The following CSDE1 variants were observed in gnomAD, a reference collection of about 807,000 sequenced individuals.
CSDE1 encodes cold shock domain containing E1, also known as cold shock domain-containing protein E1.
CSDE1 carries 17 observed loss-of-function variants against 89.3 expected under a neutral mutation model. The ratio of observed to expected loss-of-function variants is 0.19; its 90% CI spans 0.13 to 0.29. CSDE1 has a LOEUF of 0.29. Among genes scored for constraint, CSDE1 ranks in the 10% least tolerant of loss-of-function variants. CSDE1 has a pLI of 1.00. For missense variants in CSDE1, 672 were observed against 984.2 expected (o/e 0.68, Z 4.24); for synonymous variants, 322 against 332.8 (o/e 0.97, Z 0.35).
intron 16 of CSDE1, among the ~76,000 whole-genome samples, chr1:114,723,051 GT>G (rs1375408211): frequency 6.6e-6 from 1 of 151,914 alleles, no homozygotes; most frequent in Non-Finnish European, 1.5e-5. Flanking sequence ...TAGAGACGGG[GT>G]TTCACCATGC....
chr1:114,743,550 A>T (rs1365964107), intron 2 of CSDE1, among the ~76,000 whole-genome samples: 3 of 152,188 alleles, frequency 2.0e-5, no homozygotes, highest in Non-Finnish European at 4.4e-5. Flanking sequence ...GAACACAATG[A>T]TATGATCTGA....
chr1:114,754,100 T>C (rs1018059956), intron 1 of CSDE1, among the ~76,000 whole-genome samples: 12 of 152,214 alleles, frequency 7.9e-5, no homozygotes, highest in Admixed American at 6.5e-4. Flanking sequence ...GCGATTCTCC[T>C]GCCTCAGCCT....
In CSDE1 at chr1:114,734,076, C is replaced by T. The variant is rs1049970219; in HGVS notation, c.624G>A (p.Glu208=). 2.5e-5 allele frequency: 40 copies of T among 1,612,774 alleles called. No homozygotes were observed. Among genetic ancestry groups the T allele is most frequent in the Non-Finnish European group, 3.4e-5 (40 of 1,179,868 alleles). ...GFIERGDVVK[E]IFFHYSEFKG... ...TAAATTCACTATAGTGAAAGAATAT[C>T]TCTTTTACAACATCACCTCTTTCAA... The change falls in exon 8 of 20, where the codon GAG becomes GAA. Residue 208 remains glutamate (E), a synonymous_variant. Transcript: ENST00000358528.
intron 10 of CSDE1, 148 bp from the exon 11 acceptor site, chr1:114,730,796 G>C: frequency 1.1e-6 from 1 of 941,260 alleles, no homozygotes; most frequent in Non-Finnish European, 1.6e-6. Context: ...TCTCACTTAA[G>C]TACAAACTCA....
At chr1:114,756,468 G>C (rs970308084) in intron 1 of CSDE1, among the ~76,000 whole-genome samples, 3 of 152,090 alleles carry the variant, frequency 2.0e-5, no homozygotes, top group African/African-American at 7.2e-5. Context: ...ATGTATTATA[G>C]TGCTCCTCAA....
At position 114,736,786 on chromosome 1, in the gene CSDE1, T is replaced by C. The variant is rs765189129; in HGVS notation, c.472A>G (p.Ile158Val). ...TTATTGTTATCAATTACAAAGTTTA[T>C]TTTATCTCCAGTTTCCAGCTGAACG... ...GNVQLETGDK[I>V]NFVIDNNKHT... is the part of the protein sequence containing the mutation. Residue 158 changes from isoleucine to valine, a missense_variant, in exon 6 of 20, where the codon ATA (isoleucine) becomes GTA (valine). This residue lies in a region of CSDE1 where 124 missense variants were observed against 138.7 expected (regional missense o/e 0.89). Transcript: ENST00000358528. 16 of 1,612,580 alleles carry C rather than the reference T, an allele frequency of 9.9e-6. No individual in the cohort carries two copies. Among genetic ancestry groups the C allele is most frequent in the Middle Eastern group, 3.5e-4 (2 of 5,748 alleles).
rs556243791 is a variant in CSDE1, at chr1:114,751,501, T to G, written c.-387-1294A>C. 2.6e-5 allele frequency among the ~76,000 whole-genome samples: 4 copies of G among 152,316 alleles called. No homozygotes were observed. In the South Asian group the frequency reaches 8.3e-4, roughly 32 times the overall value. ...TTATTTAATCTCTCTAAGTTTCACTTTCCTCACATGTAAAATAAAAACTCA... is the reference window on the plus strand; with the variant it reads ...TTATTTAATCTCTCTAAGTTTCACTGTCCTCACATGTAAAATAAAAACTCA... On this transcript the variant is annotated intron_variant, in intron 1 of 19. Transcript: ENST00000358528.
chr1:114,723,835 T>A, intron 16 of CSDE1, 48 bp downstream of exon 16: 1 of 1,611,980 alleles, frequency 6.2e-7, no homozygotes, highest in South Asian at 1.1e-5. Flanking sequence ...TAGGTGCTCA[T>A]CTGAAGTTAT....
At chr1:114,737,422 G>T in intron 5 of CSDE1, 49 bp downstream of exon 5, 1 of 1,370,628 alleles carries the variant, frequency 7.3e-7, no homozygotes, top group Non-Finnish European at 1.0e-6. Context: ...TACGCTTATA[G>T]ATCACATGGT....
intron 12 of CSDE1, among the ~76,000 whole-genome samples, chr1:114,729,910 T>G (rs925396708): frequency 2.0e-5 from 3 of 152,296 alleles, no homozygotes; most frequent in Admixed American, 2.0e-4. Context: ...TATAACTAGT[T>G]CTCTACTTGG....
Position 114,726,356 on chromosome 1 carries a change from G to A in CSDE1, c.1495C>T (p.Pro499Ser). 1 of 1,611,976 alleles carries A rather than the reference G, an allele frequency of 6.2e-7. No homozygotes were observed. The highest frequency in any genetic ancestry group is 8.5e-7 in the Non-Finnish European group (1 of 1,179,278). The change falls in exon 14 of 20, where the codon CCT becomes TCT. Residue 499 changes from proline to serine, a missense_variant. Physicochemically the swap from Pro to Ser is moderately conservative, Grantham distance 74 (BLOSUM62 -1). Coordinates refer to ENST00000358528, the MANE Select transcript of CSDE1 (RefSeq NM_001007553.3). ...VEFSISDKQRPGQQVATCVRL... is the reference protein window; with the variant it reads ...VEFSISDKQRSGQQVATCVRL... ...ACACAAGTTGCAACCTGCTGTCCAG[G>A]CCTCTGTTTGTCACTAATACTAAAT...
intron 1 of CSDE1, among the ~76,000 whole-genome samples, chr1:114,753,517 G>A (rs1436243529): frequency 4.6e-5 from 7 of 152,112 alleles, no homozygotes; most frequent in East Asian, 3.9e-4. Context: ...ACTCATGCCC[G>A]GATTAACATT....
chr1:114,725,421 G>T lies in CSDE1; in HGVS notation c.1641-88C>A. 3.1e-6 allele frequency: 3 copies of T among 975,318 alleles called. No individual in the cohort carries two copies. The Admixed American group carries it at 5.3e-5, about 17-fold the overall frequency. The allele number at this position is 975,318 out of a possible 1,614,324, so 60.4% of individuals were successfully genotyped here. A position where few individuals can be genotyped will look rare whatever the true frequency, so the allele number is the denominator to read the frequency against. On this transcript the variant is annotated intron_variant, in intron 14 of 19. Coordinates refer to ENST00000358528, the MANE Select transcript of CSDE1 (RefSeq NM_001007553.3). ...TCTTTATTTTACAGTAACAGTCATG[G>T]CATGGCATGCTTATTTACATTAGAC... is the stretch of plus-strand genomic sequence containing the variant.
chr1:114,749,896 T>C lies in CSDE1; in HGVS notation c.-76A>G, dbSNP rs966794159. The C allele has an allele frequency of 1.4e-4, 22 of 152,476 alleles. No individual in the cohort carries two copies. Among genetic ancestry groups the C allele is most frequent in the Admixed American group, 1.2e-3 (18 of 15,260 alleles). 9.4% of individuals were successfully genotyped at this position (152,476 alleles called of 1,614,324 possible). On this transcript the variant is annotated 5_prime_UTR_variant, in exon 2 of 20. Transcript: ENST00000358528. ...CTTTTTCAGCACACGTTTCAAAGGA[T>C]GAAAGTTGCTAGTATTAAAAAAAAG...
intron 2 of CSDE1, chr1:114,746,494 A>T (rs1558006665): frequency 6.6e-6 from 1 of 152,146 alleles, no homozygotes; most frequent in African/African-American, 2.4e-5. Flanking sequence ...GACTAATTTT[A>T]AATTATCAGA....
At chr1:114,724,782 A>T (rs75882603) in intron 15 of CSDE1, among the ~76,000 whole-genome samples, 3,321 of 152,054 alleles carry the variant, frequency 0.022, 73 homozygotes, top group South Asian at 0.091. Flanking sequence ...GTGCAGTGGT[A>T]GGATCATCAT....
intron 14 of CSDE1, among the ~76,000 whole-genome samples, 167 bp downstream of exon 14, chr1:114,726,044 T>C (rs1358498814): frequency 6.6e-6 from 1 of 152,228 alleles, no homozygotes; most frequent in East Asian, 1.9e-4. Context: ...ACAGGCTCTG[T>C]ATATAGTAAG....
Position 114,730,494 on chromosome 1 carries a change from C to G in CSDE1, c.1191+14G>C. The G allele has an allele frequency of 1.9e-6, 3 of 1,612,724 alleles. No individual in the cohort carries two copies. The highest frequency in any genetic ancestry group is 2.5e-6 in the Non-Finnish European group (3 of 1,179,478). The stretch of plus-strand genomic sequence containing the variant: ...TCAAGAAACACCTCCCAACTTTTCT[C>G]AGAAACAACTCACAGGAACCACAGT... On this transcript the variant is annotated intron_variant, in intron 11 of 19. Coordinates refer to ENST00000358528, the MANE Select transcript of CSDE1 (RefSeq NM_001007553.3).
intron 6 of CSDE1, among the ~76,000 whole-genome samples, chr1:114,734,745 G>A (rs1274863419): frequency 6.6e-6 from 1 of 152,088 alleles, no homozygotes; most frequent in African/African-American, 2.4e-5. Flanking sequence ...TATATATATA[G>A]GTCATCTTTC....
Sources: gnomAD v4.1 joint callset for allele counts (sites outside exome capture counted in the v4.1 genomes callset) on GRCh38, gnomAD v4.1.1 for gene constraint, gnomAD v4.1.1 regional missense constraint, MANE v1.5 for transcripts, NCBI Gene and HGNC (gene_info 2026-07-23, HGNC 2026-07-21) for gene names.